PASK: variants seen among roughly 807,000 people sequenced by gnomAD.
The protein encoded by PASK is PAS domain containing serine/threonine kinase, also known as PAS domain-containing serine/threonine-protein kinase.
A neutral mutation model predicts 121.0 loss-of-function variants in PASK; 110 were observed. The observed-to-expected ratio is 0.91, with a 90% CI of 0.78 to 1.06. PASK has a LOEUF of 1.06. Among genes scored for constraint, PASK ranks in the 50% least tolerant of loss-of-function variants. The probability of loss-of-function intolerance (pLI) is 0.00; values close to 1 mark genes in which losing one functional copy is unlikely to be tolerated. For synonymous variants in PASK, 686 were observed against 717.8 expected (o/e 0.96, Z 0.71); for missense variants, 1,643 against 1,702.3 (o/e 0.97, Z 0.61).
intron 8 of PASK, chr2:241,134,614 T>C (rs965596692): frequency 2.0e-5 from 3 of 152,216 alleles, no homozygotes; most frequent in African/African-American, 4.8e-5. Context: ...AGTGACTGTA[T>C]TAAATCCACT....
In PASK at chr2:241,135,884, A is replaced by G. The variant is rs1206751005; in HGVS notation, c.1293T>C (p.Ala431=). ...AGGACGTCTTACCCTGGCCCCCCTC[A>G]GCTGGGTCCTGGCCCTGCCACGGGT... ...TLDPWQGQDP[A]EGGQDPRINV... Residue 431 remains alanine (A), a synonymous_variant, in exon 8 of 18, where the codon GCT becomes GCC. Transcript: ENST00000234040. 6.2e-7 allele frequency: 1 copy of G among 1,614,084 alleles called. No individual in the cohort carries two copies. Among genetic ancestry groups the G allele is most frequent in the South Asian group, 1.1e-5 (1 of 91,078 alleles).
intron 1 of PASK, among the ~76,000 whole-genome samples, chr2:241,147,213 T>C (rs1020122607): frequency 5.3e-5 from 8 of 152,236 alleles, no homozygotes; most frequent in African/African-American, 1.4e-4. Context: ...CACTTAATTA[T>C]AGCTTCAGAA....
At chr2:241,116,397 G>A (rs548135885) in intron 12 of PASK, among the ~76,000 whole-genome samples, 153 of 152,378 alleles carry the variant, frequency 1.0e-3, no homozygotes, top group Admixed American at 3.4e-3. Context: ...GAGAATCCAG[G>A]TGGAGCTGAG....
At chr2:241,122,629 C>G (rs1306429611) in intron 12 of PASK, 103 bp downstream of exon 12, 1 of 1,085,228 alleles carries the variant, frequency 9.2e-7, no homozygotes, top group Non-Finnish European at 1.4e-6. Flanking sequence ...GGTGCCATAC[C>G]TAGAGGACTC....
chr2:241,146,268 T>C (rs1305498642), intron 1 of PASK, among the ~76,000 whole-genome samples: 1 of 152,230 alleles, frequency 6.6e-6, no homozygotes, highest in African/African-American at 2.4e-5. Flanking sequence ...ACAGGAACTC[T>C]TAATACATTA....
chr2:241,126,668 A>T lies in PASK; in HGVS notation c.2247T>A (p.Ser749Arg), dbSNP rs750100266. ...TTGATGACGTTTGGTCTGTCTGGTC[A>T]CTGAAAAAGAGTTCCTTGAGGTTCC... is the stretch of plus-strand genomic sequence containing the variant. Reference protein sequence around the residue: ...FSWNLKELFFSDQTDQTSSNC... With the variant: ...FSWNLKELFFRDQTDQTSSNC... The change falls in exon 10 of 18, where the codon AGT (serine) becomes AGA (arginine). Residue 749 changes from serine to arginine, a missense_variant. Transcript: ENST00000234040. The T allele has an allele frequency of 1.9e-6, 3 of 1,614,202 alleles. No individual in the cohort carries two copies. Among genetic ancestry groups the T allele is most frequent in the Non-Finnish European group, 2.5e-6 (3 of 1,180,036 alleles).
chr2:241,124,221 G>A, intron 10 of PASK, 88 bp from the exon 11 acceptor site: 1 of 1,048,956 alleles, frequency 9.5e-7, no homozygotes. Context: ...TCCCCAGAAT[G>A]CAACAGTCCA....
intron 14 of PASK, chr2:241,114,694 C>A: frequency 7.7e-7 from 1 of 1,301,120 alleles, no homozygotes. Flanking sequence ...GCCGCTGTGC[C>A]GCACACATGC....
At position 241,108,809 on chromosome 2, in the gene PASK, T is replaced by C. The variant is rs915775775; in HGVS notation, c.3534-509A>G. 2 of 231,718 alleles carry C rather than the reference T, an allele frequency of 8.6e-6. No homozygotes were observed. Among genetic ancestry groups the C allele is most frequent in the Non-Finnish European group, 1.7e-5 (2 of 115,346 alleles). 14.4% of individuals were successfully genotyped at this position (231,718 alleles called of 1,614,324 possible). On this transcript the variant is annotated intron_variant, in intron 15 of 17. Transcript: ENST00000234040. This position sits in a 1 kb window ranked among gnomAD's most constrained non-coding sequence, Gnocchi z 5.2. The stretch of plus-strand genomic sequence containing the variant: ...TGTGAAGGGTGCTGCAGGACGAGAC[T>C]GAACAGGGAAAAACACCGAAGGATG...
intron 11 of PASK, among the ~76,000 whole-genome samples, chr2:241,123,568 A>G (rs779998005): frequency 6.6e-6 from 1 of 152,062 alleles, no homozygotes; most frequent in Admixed American, 6.5e-5. Context: ...CTATAATCCC[A>G]GCACTTTGGG....
intron 9 of PASK, among the ~76,000 whole-genome samples, chr2:241,129,836 T>G (rs1296867603): frequency 6.6e-6 from 1 of 152,210 alleles, no homozygotes; most frequent in South Asian, 2.1e-4. Flanking sequence ...CCAGGGACCG[T>G]AGGTCCTCCA....
At chr2:241,130,781 G>A (rs917479222) in intron 9 of PASK, among the ~76,000 whole-genome samples, 65 of 150,870 alleles carry the variant, frequency 4.3e-4, no homozygotes, top group African/African-American at 1.5e-3. Flanking sequence ...GTGGGAAAGT[G>A]GCCCATGAGC....
At chr2:241,122,453 A>G (rs2065655499) in intron 12 of PASK, among the ~76,000 whole-genome samples, 1 of 152,262 alleles carries the variant, frequency 6.6e-6, no homozygotes, top group Non-Finnish European at 1.5e-5. Context: ...ACACAGGTCC[A>G]GATGTGGGAT....
At position 241,143,149 on chromosome 2, in the gene PASK, T is replaced by C. The variant is rs545080197; in HGVS notation, c.-42-75A>G. 208 of 796,602 alleles carry C rather than the reference T, an allele frequency of 2.6e-4. 1 individual carries two copies. Among genetic ancestry groups the C allele is most frequent in the Admixed American group, 1.1e-3 (57 of 50,300 alleles). The allele number at this position is 796,602 out of a possible 1,614,324, so 49.3% of individuals were successfully genotyped here. A position where few individuals can be genotyped will look rare whatever the true frequency, so the allele number is the denominator to read the frequency against. ...GACAGTTTAACCAACTAATTTATAA[T>C]GCTGAGTTCAGCTCGGCCCCAAAAG... On this transcript the variant is annotated intron_variant, in intron 1 of 17. Coordinates refer to ENST00000234040, the MANE Select transcript of PASK (RefSeq NM_015148.4).
rs555355660 is a variant in PASK, at chr2:241,137,033, C to A, written c.1108G>T (p.Gly370Cys). The part of the protein sequence containing the change: ...INHSFALTLF[G>C]YGKTELLGKN... Reference sequence around the variant, plus strand: ...CCCAGGAGCTCCGTCTTTCCGTAACCAAACAGTGTCAGCGCGAAGCTGTGG... The same window carrying A: ...CCCAGGAGCTCCGTCTTTCCGTAACAAAACAGTGTCAGCGCGAAGCTGTGG... The change falls in exon 7 of 18, where the codon GGT becomes TGT. Residue 370 changes from glycine to cysteine, a missense_variant. Coordinates refer to ENST00000234040, the MANE Select transcript of PASK (RefSeq NM_015148.4). The A allele has an allele frequency of 6.2e-7, 1 of 1,613,528 alleles. No individual in the cohort carries two copies. The highest frequency in any genetic ancestry group is 2.2e-5 in the East Asian group (1 of 44,884).
At chr2:241,132,843 T>G in intron 9 of PASK, 31 bp downstream of exon 9, 5 of 1,590,776 alleles carry the variant, frequency 3.1e-6, no homozygotes, top group Non-Finnish European at 3.5e-6. Flanking sequence ...GGACTTTTAG[T>G]AAACCTGCAA....
At chr2:241,134,984 A>G (rs939138145) in intron 8 of PASK, among the ~76,000 whole-genome samples, 1 of 152,202 alleles carries the variant, frequency 6.6e-6, no homozygotes, top group Non-Finnish European at 1.5e-5. Flanking sequence ...CTTGTCAACA[A>G]GAATGAGCAC....
In PASK at chr2:241,143,086, C is replaced by T. The variant is rs1054595236; in HGVS notation, c.-42-12G>A. ...TCCAACTCTAACAACTAGAAAACAA[C>T]ATGAAGCTGATTAACATCTGCAATG... On this transcript the variant is annotated splice_polypyrimidine_tract_variant and intron_variant, in intron 1 of 17. Coordinates refer to ENST00000234040, the MANE Select transcript of PASK (RefSeq NM_015148.4). The T allele has an allele frequency of 8.4e-6, 11 of 1,314,320 alleles. No individual in the cohort carries two copies. The African/African-American group carries it at 1.3e-4, about 16-fold the overall frequency. 81.4% of individuals were successfully genotyped at this position (1,314,320 alleles called of 1,614,324 possible). A position where few individuals can be genotyped will look rare whatever the true frequency, so the allele number is the denominator to read the frequency against.
chr2:241,125,609 GAAA>G (rs11353969), intron 10 of PASK, among the ~76,000 whole-genome samples: 45 of 118,436 alleles, frequency 3.8e-4, no homozygotes, highest in African/African-American at 1.1e-3. Context: ...CAAAAAAAAA[GAAA>G]AAAAAAAAAA....
Sources: gnomAD v4.1 joint callset for allele counts (sites outside exome capture counted in the v4.1 genomes callset) on GRCh38, gnomAD v4.1.1 for gene constraint, Gnocchi (gnomAD v3.1) non-coding constraint, MANE v1.5 for transcripts, NCBI Gene and HGNC (gene_info 2026-07-23, HGNC 2026-07-21) for gene names.